Variants in SVIL observed in about 807,000 individuals in gnomAD.
The protein encoded by SVIL is archvillin.
A neutral mutation model predicts 240.4 loss-of-function variants in SVIL; 101 were observed. The observed-to-expected ratio is 0.42, with a 90% CI of 0.36 to 0.50. The LOEUF is 0.50. Ranked by LOEUF, SVIL falls within the 20% of genes least tolerant of loss-of-function variation. The probability of loss-of-function intolerance (pLI) is 0.01; values close to 1 mark genes in which losing one functional copy is unlikely to be tolerated. For synonymous variants in SVIL, 999 were observed against 1,100.0 expected (o/e 0.91, Z 1.82); for missense variants, 2,512 against 2,818.7 (o/e 0.89, Z 2.46).
intron 6 of SVIL, among the ~76,000 whole-genome samples, chr10:29,548,091 T>A (rs1226316241): frequency 1.3e-5 from 2 of 152,226 alleles, no homozygotes; most frequent in Admixed American, 1.3e-4. Context: ...GGGATCTACC[T>A]TTTAATTCTG....
chr10:29,627,962 G>A (rs1467888092), intron 1 of SVIL, among the ~76,000 whole-genome samples: 3 of 152,052 alleles, frequency 2.0e-5, no homozygotes, highest in Admixed American at 2.0e-4. Flanking sequence ...GCTTCTTAAC[G>A]GTACAGCCAA....
intron 32 of SVIL, among the ~76,000 whole-genome samples, chr10:29,469,614 G>A (rs974580604): frequency 3.3e-5 from 5 of 152,308 alleles, no homozygotes; most frequent in East Asian, 1.9e-4. Context: ...CCACCACAGC[G>A]TCCTCCCTGG....
At chr10:29,682,756 G>T (rs1310041915) in intron 2 of SVIL, among the ~76,000 whole-genome samples, 1 of 152,300 alleles carries the variant, frequency 6.6e-6, no homozygotes, top group South Asian at 2.1e-4. Flanking sequence ...TTAGCTACAG[G>T]AATGGTCACA....
At chr10:29,701,101 C>T (rs1230010355) in intron 1 of SVIL, among the ~76,000 whole-genome samples, 1 of 152,126 alleles carries the variant, frequency 6.6e-6, no homozygotes, top group Non-Finnish European at 1.5e-5. Context: ...GCATTATACC[C>T]CTCTATTCAT....
At chr10:29,652,018 A>AACAC (rs57155637) in intron 3 of SVIL, among the ~76,000 whole-genome samples, 28 of 149,968 alleles carry the variant, frequency 1.9e-4, no homozygotes, top group East Asian at 3.9e-4. Context: ...CACACACACA[A>AACAC]ACACACACAC....
chr10:29,628,294 G>A (rs527627206), intron 1 of SVIL, among the ~76,000 whole-genome samples: 7 of 152,304 alleles, frequency 4.6e-5, no homozygotes, highest in South Asian at 4.1e-4. Flanking sequence ...TTGTTTTGGA[G>A]TAACAGGTGT....
chr10:29,692,593 A>T lies in SVIL; in HGVS notation c.-399-5942T>A, dbSNP rs890292878. Among the ~76,000 whole-genome samples the T allele has an allele frequency of 2.0e-5, 3 of 151,068 alleles. No individual in the cohort carries two copies. In the Admixed American group the frequency reaches 2.0e-4, roughly 10 times the overall value. ...TACAATAACATTCTACTTTCTCTGA[A>T]CCTTATATATATATAACAATACATA... On this transcript the variant is annotated intron_variant, in intron 1 of 35. Transcript: ENST00000375400.
rs183314768 is a variant in SVIL, at chr10:29,602,764, T to C, written c.-201+31656A>G. Among the ~76,000 whole-genome samples, 40 of 152,196 alleles carry C rather than the reference T, an allele frequency of 2.6e-4. 1 individual carries two copies. The South Asian group carries it at 7.0e-3, about 27-fold the overall frequency. On this transcript the variant is annotated intron_variant, in intron 1 of 37. Coordinates refer to ENST00000355867, the MANE Select transcript of SVIL (RefSeq NM_021738.3). ...ACTTCGGGGGGCCGAGGCAGTTGGA[T>C]CACCTGAGGTCAGGAGTTTGAGACC...
chr10:29,565,472 G>A (rs1489760213), intron 2 of SVIL, among the ~76,000 whole-genome samples: 4 of 152,156 alleles, frequency 2.6e-5, no homozygotes, highest in African/African-American at 9.7e-5. Flanking sequence ...TTGACATGCT[G>A]TTTCCTCCCC....
At chr10:29,467,637 G>A in intron 33 of SVIL, 105 bp downstream of exon 33, 6 of 1,447,718 alleles carry the variant, frequency 4.1e-6, no homozygotes. Context: ...AAGCTGCAGT[G>A]AGCTGTGATC....
At chr10:29,723,043 C>A (rs561725945) in intron 1 of SVIL, among the ~76,000 whole-genome samples, 3 of 152,130 alleles carry the variant, frequency 2.0e-5, no homozygotes, top group Non-Finnish European at 4.4e-5. Context: ...GTGAAAATCC[C>A]GGCAGACTGC....
chr10:29,697,622 G>C lies in SVIL; in HGVS notation c.-399-10971C>G, dbSNP rs1962190640. ...TTAAACAGATGCTTGAAGGCAGCAGGCTCCTTAAGAGTCATCACCACTCCC... is the reference window on the plus strand; with the variant it reads ...TTAAACAGATGCTTGAAGGCAGCAGCCTCCTTAAGAGTCATCACCACTCCC... On this transcript the variant is annotated intron_variant, in intron 1 of 35. Coordinates refer to the SVIL transcript ENST00000375400. 1.6e-5 allele frequency among the ~76,000 whole-genome samples: 2 copies of C among 125,714 alleles called. 1 individual carries two copies. Among genetic ancestry groups the C allele is most frequent in the African/African-American group, 6.9e-5 (2 of 28,844 alleles). The allele number at this position is 125,714 out of a possible 152,430, so 82.5% of individuals were successfully genotyped here. A position where few individuals can be genotyped will look rare whatever the true frequency, so the allele number is the denominator to read the frequency against.
chr10:29,729,448 G>GAGGT (rs1491161484), intron 1 of SVIL, among the ~76,000 whole-genome samples: 13 of 88,170 alleles, frequency 1.5e-4, no homozygotes, highest in African/African-American at 2.7e-4. Context: ...TGTGTTTATG[G>GAGGT]AGGTGTGTGT....
In SVIL at chr10:29,631,162, G is replaced by A. The variant is rs528830283; in HGVS notation, c.-201+3258C>T. Among the ~76,000 whole-genome samples, 4 of 152,362 alleles carry A rather than the reference G, an allele frequency of 2.6e-5. No individual in the cohort carries two copies. In the South Asian group the frequency reaches 8.3e-4, roughly 32 times the overall value. ...CCAACAGAACTCCAGGGGCATGAAA[G>A]ACCCTGAAGGGGAGGCTACAGAGCC... On this transcript the variant is annotated intron_variant, in intron 1 of 37. Coordinates refer to ENST00000355867, the MANE Select transcript of SVIL (RefSeq NM_021738.3).
At chr10:29,478,945 AAAAAAGAAC>A (rs1946520899) in intron 29 of SVIL, among the ~76,000 whole-genome samples, 1 of 150,242 alleles carries the variant, frequency 6.7e-6, no homozygotes, top group Non-Finnish European at 1.5e-5. Context: ...AAAAAAAAAA[AAAAAAGAAC>A]AAAAAGAGAG....
intron 2 of SVIL, among the ~76,000 whole-genome samples, chr10:29,676,265 A>T (rs1177451531): frequency 6.6e-6 from 1 of 152,208 alleles, no homozygotes; most frequent in African/African-American, 2.4e-5. Context: ...CTGTGTGGTG[A>T]ACAGCAGCAG....
chr10:29,600,340 A>T (rs1191777695), intron 1 of SVIL, among the ~76,000 whole-genome samples: 1 of 152,170 alleles, frequency 6.6e-6, no homozygotes, highest in Non-Finnish European at 1.5e-5. Context: ...AGTCATTGCC[A>T]ACTGGAGCTG....
chr10:29,655,879 T>TTTG, intron 3 of SVIL, among the ~76,000 whole-genome samples: 1 of 151,616 alleles, frequency 6.6e-6, no homozygotes, highest in Non-Finnish European at 1.5e-5. Context: ...TGTGGGTTTT[T>TTTG]TTTTTTTTTT....
chr10:29,474,631 AAATAAATAAATAAAGT>A (rs1945982743), intron 29 of SVIL, among the ~76,000 whole-genome samples: 1 of 138,808 alleles, frequency 7.2e-6, no homozygotes, highest in African/African-American at 2.5e-5. Flanking sequence ...ATAAATAAAT[AAATAAATAAATAAAGT>A]ATTTGGTGAC....
Sources: allele counts gnomAD v4.1 joint callset (sites outside exome capture counted in the v4.1 genomes callset), GRCh38; gene constraint gnomAD v4.1.1; transcripts MANE v1.5; gene names NCBI Gene and HGNC (gene_info 2026-07-23, HGNC 2026-07-21).